Variants in LHFPL3 observed in about 807,000 individuals in gnomAD.
The protein encoded by LHFPL3 is LHFPL tetraspan subfamily member 3.
In LHFPL3, 5 loss-of-function variants were observed where a neutral mutation model predicts 19.3. The ratio of observed to expected loss-of-function variants is 0.26; its 90% CI spans 0.14 to 0.54. The LOEUF is 0.54. Among genes scored for constraint, LHFPL3 ranks in the 20% least tolerant of loss-of-function variants. The probability of loss-of-function intolerance (pLI) is 0.94; values close to 1 mark genes in which losing one functional copy is unlikely to be tolerated. For synonymous variants in LHFPL3, 133 were observed against 126.2 expected (o/e 1.05, Z -0.36); for missense variants, 249 against 307.4 (o/e 0.81, Z 1.42).
Position 104,778,947 on chromosome 7 carries a change from A to G in LHFPL3, c.682+42036A>G, listed in dbSNP as rs533185605. On this transcript the variant is annotated intron_variant, in intron 2 of 2. Coordinates refer to ENST00000424859, the MANE Select transcript of LHFPL3 (RefSeq NM_199000.3). ...ATGCCTGGCTAAATAAATGGGAGCC[A>G]TTATTATTCTTCAAAACTGAATTCA... Among the ~76,000 whole-genome samples, 608 of 152,346 alleles carry G rather than the reference A, an allele frequency of 4.0e-3. 4 individuals carry two copies. The highest frequency in any genetic ancestry group is 9.3e-3 in the Admixed American group (143 of 15,300).
intron 1 of LHFPL3, among the ~76,000 whole-genome samples, chr7:104,550,246 C>T (rs1471078923): frequency 2.6e-5 from 4 of 152,126 alleles, no homozygotes; most frequent in Non-Finnish European, 5.9e-5. Flanking sequence ...ATCCAAAAAA[C>T]ACCATCACAG....
At chr7:104,330,697 G>T (rs948059275) in intron 1 of LHFPL3, among the ~76,000 whole-genome samples, 15 of 152,054 alleles carry the variant, frequency 9.9e-5, no homozygotes, top group African/African-American at 3.6e-4. Flanking sequence ...TCTCCTGAAC[G>T]GGGAGTTCTG....
At chr7:104,609,387 A>T (rs1205444273) in intron 1 of LHFPL3, among the ~76,000 whole-genome samples, 2 of 152,238 alleles carry the variant, frequency 1.3e-5, no homozygotes, top group Non-Finnish European at 2.9e-5. Flanking sequence ...CATCTCCTGA[A>T]AGTAGAAAAC....
chr7:104,430,420 A>ATG (rs1562895215), intron 1 of LHFPL3, among the ~76,000 whole-genome samples: 645 of 11,560 alleles, frequency 0.056, 20 homozygotes, highest in Non-Finnish European at 0.062. Flanking sequence ...ATATATATAC[A>ATG]TATATATATA....
chr7:104,891,698 T>C (rs1792249052), intron 2 of LHFPL3, among the ~76,000 whole-genome samples: 1 of 152,214 alleles, frequency 6.6e-6, no homozygotes, highest in Non-Finnish European at 1.5e-5. Flanking sequence ...CAGAAATCTG[T>C]TCTATCTGTG....
chr7:104,410,764 G>A (rs941518088), intron 1 of LHFPL3, among the ~76,000 whole-genome samples: 4 of 152,220 alleles, frequency 2.6e-5, no homozygotes, highest in African/African-American at 9.6e-5. Context: ...TCATACAAAT[G>A]TAATCACCAA....
chr7:104,400,843 A>G (rs1240201554), intron 1 of LHFPL3, among the ~76,000 whole-genome samples: 2 of 152,154 alleles, frequency 1.3e-5, no homozygotes, highest in Admixed American at 1.3e-4. Flanking sequence ...TTTTCATTAT[A>G]TATCATTTGG....
Position 104,623,571 on chromosome 7 carries a change from A to G in LHFPL3, c.446-113104A>G, listed in dbSNP as rs144529845. ...CTTGAGCCTGGGAGGAGGAGTTTGC[A>G]GTGAGCTGAGATCACGCCTCTGCAT... On this transcript the variant is annotated intron_variant, in intron 1 of 2. Coordinates refer to ENST00000424859, the MANE Select transcript of LHFPL3 (RefSeq NM_199000.3). 2.1e-3 allele frequency among the ~76,000 whole-genome samples: 320 copies of G among 152,378 alleles called. 2 individuals are homozygous for G. The highest frequency in any genetic ancestry group is 7.2e-3 in the African/African-American group (300 of 41,588).
rs183519200 is a variant in LHFPL3, at chr7:104,348,318, G to T, written c.445+19094G>T. On this transcript the variant is annotated intron_variant, in intron 1 of 2. Coordinates refer to ENST00000424859, the MANE Select transcript of LHFPL3 (RefSeq NM_199000.3). The stretch of plus-strand genomic sequence containing the variant: ...GAATCACTTGAACTTGGGAGGCGGA[G>T]CTTGCAGTGAGCCGAGATCTCGTAC... 2.6e-5 allele frequency among the ~76,000 whole-genome samples: 4 copies of T among 152,350 alleles called. No homozygotes were observed. The East Asian group carries it at 7.7e-4, about 29-fold the overall frequency.
chr7:104,405,772 A>G (rs1216234580), intron 1 of LHFPL3, among the ~76,000 whole-genome samples: 1 of 152,184 alleles, frequency 6.6e-6, no homozygotes, highest in Non-Finnish European at 1.5e-5. Flanking sequence ...AAAACAGAGC[A>G]TTTAAAGCAT....
intron 2 of LHFPL3, among the ~76,000 whole-genome samples, chr7:104,745,335 G>A (rs182843490): frequency 1.1e-4 from 17 of 152,344 alleles, no homozygotes; most frequent in African/African-American, 9.6e-5. Flanking sequence ...ATGGAGAAGG[G>A]AATCACAGAG....
chr7:104,480,109 A>G (rs190338177), intron 1 of LHFPL3, among the ~76,000 whole-genome samples: 12 of 152,358 alleles, frequency 7.9e-5, no homozygotes, highest in African/African-American at 2.9e-4. Flanking sequence ...AAAGCCTTGC[A>G]TAGTAGGTAG....
chr7:104,452,260 A>T (rs920639013), intron 1 of LHFPL3, among the ~76,000 whole-genome samples: 8 of 152,208 alleles, frequency 5.3e-5, no homozygotes, highest in African/African-American at 1.9e-4. Context: ...CTGACATCAG[A>T]CATCATTTAA....
chr7:104,845,333 GCT>G, intron 2 of LHFPL3: 2 of 1,021,084 alleles, frequency 2.0e-6, no homozygotes, highest in Non-Finnish European at 3.0e-6. Context: ...TGAAGTGTGA[GCT>G]CTTATTTTAC....
intron 1 of LHFPL3, among the ~76,000 whole-genome samples, chr7:104,437,628 A>G (rs1178131258): frequency 1.3e-5 from 2 of 152,140 alleles, no homozygotes; most frequent in Non-Finnish European, 2.9e-5. Context: ...CAGTTTGATC[A>G]TTTGCTAGAG....
intron 1 of LHFPL3, among the ~76,000 whole-genome samples, chr7:104,693,888 C>T (rs960028528): frequency 6.6e-6 from 1 of 151,868 alleles, no homozygotes; most frequent in Non-Finnish European, 1.5e-5. Context: ...GCCTGGGCCT[C>T]CCAAAGTGTT....
At chr7:104,884,794 G>A (rs959243271) in intron 2 of LHFPL3, among the ~76,000 whole-genome samples, 6 of 152,166 alleles carry the variant, frequency 3.9e-5, no homozygotes, top group African/African-American at 1.4e-4. Flanking sequence ...CAAGCTTCAA[G>A]GGGAGACTTT....
rs140142752 is a variant in LHFPL3, at chr7:104,349,350, C to T, written c.445+20126C>T. Among the ~76,000 whole-genome samples, 579 of 152,012 alleles carry T rather than the reference C, an allele frequency of 3.8e-3. 6 individuals carry two copies. The highest frequency in any genetic ancestry group is 0.013 in the African/African-American group (554 of 41,446). ...AAGTTTCTTTCTTTTTAATAAACCCCAAGAAATAAGAAAAATGTATAAAAT... is the reference window on the plus strand; with the variant it reads ...AAGTTTCTTTCTTTTTAATAAACCCTAAGAAATAAGAAAAATGTATAAAAT... On this transcript the variant is annotated intron_variant, in intron 1 of 2. Coordinates refer to ENST00000424859, the MANE Select transcript of LHFPL3 (RefSeq NM_199000.3).
rs539845606 is a variant in LHFPL3, at chr7:104,735,683, G to A, written c.446-992G>A. On this transcript the variant is annotated intron_variant, in intron 1 of 2. Coordinates refer to ENST00000424859, the MANE Select transcript of LHFPL3 (RefSeq NM_199000.3). ...CACTTCCCAGGTGAGGCAATGCATC[G>A]CCCTGCTTCAGCTTACGCTCGGTGC... 3.9e-4 allele frequency among the ~76,000 whole-genome samples: 60 copies of A among 152,336 alleles called. 1 individual carries two copies. The highest frequency in any genetic ancestry group is 2.5e-3 in the South Asian group (12 of 4,824).
Sources: allele counts gnomAD v4.1 joint callset (sites outside exome capture counted in the v4.1 genomes callset), GRCh38; gene constraint gnomAD v4.1.1; transcripts MANE v1.5; gene names NCBI Gene and HGNC (gene_info 2026-07-23, HGNC 2026-07-21).